C12orf42: variants seen among roughly 807,000 people sequenced by gnomAD.
C12orf42 encodes the protein uncharacterized protein C12orf42.
C12orf42 carries 25 observed loss-of-function variants against 21.6 expected under a neutral mutation model. The ratio of observed to expected loss-of-function variants is 1.16; its 90% confidence interval spans 0.84 to 1.62. The LOEUF (loss-of-function observed/expected upper bound fraction) is 1.62. C12orf42 is among the 40% of genes most tolerant of loss of function. C12orf42 has a pLI of 0.00. For synonymous variants in C12orf42, 174 were observed against 175.0 expected (o/e 0.99, Z 0.05); for missense variants, 483 against 459.3 (o/e 1.05, Z -0.47).
At chr12:103,544,821 T>C in the C12orf42 span, among the ~76,000 whole-genome samples, 2 of 152,174 alleles carry the variant, frequency 1.3e-5, no homozygotes, top group Non-Finnish European at 2.9e-5. Context: ...CTTTATCTAG[T>C]ACCAACTTTC....
At chr12:103,562,614 C>A in the C12orf42 span, among the ~76,000 whole-genome samples, 1 of 152,180 alleles carries the variant, frequency 6.6e-6, no homozygotes, top group African/African-American at 2.4e-5. Flanking sequence ...TCAGCACCAA[C>A]ATGATTTTAC....
the C12orf42 span, among the ~76,000 whole-genome samples, chr12:103,079,530 T>C: frequency 6.6e-6 from 1 of 152,308 alleles, no homozygotes; most frequent in African/African-American, 2.4e-5. Flanking sequence ...ACAGACAAAA[T>C]GTGCTGTGGT....
At chr12:103,203,634 T>C in the C12orf42 span, among the ~76,000 whole-genome samples, 2 of 152,170 alleles carry the variant, frequency 1.3e-5, no homozygotes, top group African/African-American at 4.8e-5. Context: ...AAGACATCAC[T>C]AATAGGAATA....
chr12:103,404,556 C>T (rs576102483), intron 2 of C12orf42, among the ~76,000 whole-genome samples: 8 of 152,280 alleles, frequency 5.3e-5, no homozygotes, highest in African/African-American at 1.9e-4. Flanking sequence ...ACTTGTTTGG[C>T]AGTAATTACA....
At chr12:103,092,046 TTTTG>T in the C12orf42 span, among the ~76,000 whole-genome samples, 2 of 152,204 alleles carry the variant, frequency 1.3e-5, no homozygotes, top group East Asian at 3.9e-4. Context: ...AAAAGCAGAT[TTTTG>T]TTTGTTTGTT....
At chr12:103,272,272 A>G (rs2035517298) in intron 5 of C12orf42, among the ~76,000 whole-genome samples, 1 of 152,190 alleles carries the variant, frequency 6.6e-6, no homozygotes, top group Non-Finnish European at 1.5e-5. Context: ...TGTTGGCATT[A>G]AAGGAGCCAC....
intron 4 of C12orf42, among the ~76,000 whole-genome samples, chr12:103,294,579 GGAAGGAAAGAAAGAAAGAAAGAAAGAAA>G (rs1566025826): frequency 3.1e-5 from 2 of 64,974 alleles, no homozygotes; most frequent in East Asian, 1.1e-3. Context: ...AAGGAAGGAA[GGAAGGAAAGAAAGAAAGAAAGAAAGAAA>G]GAAAGAAAGA....
intron 4 of C12orf42, among the ~76,000 whole-genome samples, chr12:103,294,472 A>AAGAT (rs1235094028): frequency 8.0e-6 from 1 of 125,310 alleles, no homozygotes; most frequent in Non-Finnish European, 1.6e-5. Flanking sequence ...GAAAGAAAGA[A>AAGAT]ATAAGCAAGC....
rs188740464 is a variant in C12orf42, at chr12:103,454,013, T to G, written c.78+24336A>C. 2.5e-3 allele frequency among the ~76,000 whole-genome samples: 379 copies of G among 152,188 alleles called. 2 individuals are homozygous for G. Among genetic ancestry groups the G allele is most frequent in the Non-Finnish European group, 7.8e-4 (53 of 68,002 alleles). On this transcript the variant is annotated intron_variant, in intron 2 of 5. Transcript: ENST00000548883. ...GATATCTCATCTAACCACCCTACCA[T>G]CAACCATGCACTCACCTTTTGTAGC...
At chr12:103,556,230 T>C in the C12orf42 span, among the ~76,000 whole-genome samples, 1 of 152,332 alleles carries the variant, frequency 6.6e-6, no homozygotes, top group East Asian at 1.9e-4. Flanking sequence ...GCTCTTCATC[T>C]GAAAATGGAG....
At chr12:103,059,911 A>G in the C12orf42 span, among the ~76,000 whole-genome samples, 2 of 152,204 alleles carry the variant, frequency 1.3e-5, no homozygotes, top group Admixed American at 1.3e-4. Context: ...TGCCCTTTGA[A>G]AACCGGCACA....
the C12orf42 span, among the ~76,000 whole-genome samples, chr12:103,523,636 T>G: frequency 6.6e-6 from 1 of 151,226 alleles, no homozygotes; most frequent in Non-Finnish European, 1.5e-5. Context: ...TGTATATATA[T>G]GTAGTGTCTA....
chr12:103,446,590 C>T (rs1195371566), intron 2 of C12orf42, among the ~76,000 whole-genome samples: 1 of 151,958 alleles, frequency 6.6e-6, no homozygotes, highest in East Asian at 1.9e-4. Flanking sequence ...ATTTCATCAA[C>T]CAAGTTTCTG....
intron 3 of C12orf42, among the ~76,000 whole-genome samples, chr12:103,400,439 G>C (rs1566241972): frequency 6.6e-6 from 1 of 152,146 alleles, no homozygotes; most frequent in Non-Finnish European, 1.5e-5. Flanking sequence ...ACTTTGCTGG[G>C]GCCTGTTTCC....
intron 2 of C12orf42, among the ~76,000 whole-genome samples, chr12:103,464,416 G>GTTTTT (rs199780501): frequency 6.8e-6 from 1 of 147,790 alleles, no homozygotes. Flanking sequence ...TTTTAATGGG[G>GTTTTT]TTTTTTTTTT....
chr12:103,058,552 G>A, the C12orf42 span, among the ~76,000 whole-genome samples: 4 of 152,112 alleles, frequency 2.6e-5, no homozygotes, highest in African/African-American at 9.7e-5. Context: ...GTGCCACATG[G>A]CACTTATTGT....
chr12:103,121,366 A>C, the C12orf42 span, among the ~76,000 whole-genome samples: 1 of 152,354 alleles, frequency 6.6e-6, no homozygotes, highest in South Asian at 2.1e-4. Context: ...AGCAGGCTGA[A>C]TAGAAGCCTT....
chr12:103,200,513 G>C, the C12orf42 span, among the ~76,000 whole-genome samples: 1 of 152,162 alleles, frequency 6.6e-6, no homozygotes, highest in African/African-American at 2.4e-5. Context: ...ATAAGAGCAG[G>C]AGGAAACTTT....
the C12orf42 span, among the ~76,000 whole-genome samples, chr12:103,544,914 T>G: frequency 1.3e-5 from 2 of 152,162 alleles, no homozygotes; most frequent in Non-Finnish European, 2.9e-5. Context: ...GCTCAACCTG[T>G]GCAGGACTTT....
Sources: gnomAD v4.1 joint callset for allele counts (sites outside exome capture counted in the v4.1 genomes callset) on GRCh38, gnomAD v4.1.1 for gene constraint, MANE v1.5 for transcripts, NCBI Gene and HGNC (gene_info 2026-07-23, HGNC 2026-07-21) for gene names.